Variants in PAK1 observed in about 807,000 individuals in gnomAD.
PAK1 encodes serine/threonine-protein kinase PAK 1.
PAK1 carries 29 observed loss-of-function variants against 67.4 expected under a neutral mutation model. The observed-to-expected ratio is 0.43, with a 90% CI of 0.32 to 0.59. The LOEUF is 0.59. Among genes scored for constraint, PAK1 ranks in the 20% least tolerant of loss-of-function variants. The pLI, the probability that PAK1 is intolerant of heterozygous loss-of-function variation, is 0.07. For missense variants in PAK1, 337 were observed against 670.7 expected, an observed-to-expected ratio of 0.50 and a Z score of 5.50; for synonymous variants, 223 against 237.4, an observed-to-expected ratio of 0.94 and a Z score of 0.56.
At chr11:77,508,356 C>T in the PAK1 span, among the ~76,000 whole-genome samples, 1 of 152,132 alleles carries the variant, frequency 6.6e-6, no homozygotes, top group African/African-American at 2.4e-5. Context: ...GAGTCATTAT[C>T]CCCATTTTTA....
rs771149828 is a variant in PAK1 at position 77,430,143 on chromosome 11, G to GA, written c.-21-37603_-21-37602insT. Among the ~76,000 whole-genome samples, 8 of 151,984 alleles carry GA rather than the reference G, an allele frequency of 5.3e-5. No individual in the cohort carries two copies. The East Asian group carries it at 1.5e-3, about 29-fold the overall frequency. On this transcript the variant is annotated intron_variant, in intron 1 of 14. Transcript: ENST00000356341. ...CTTCCTGCTATATAGGGCTTGTGTG[G>GA]TGCCAAAGAAAATACTCTTCTAAGA...
chr11:77,509,691 G>A, the PAK1 span, among the ~76,000 whole-genome samples: 3 of 152,132 alleles, frequency 2.0e-5, no homozygotes, highest in East Asian at 1.9e-4. Context: ...CTTTGTGATC[G>A]TGAATGAGTT....
chr11:77,432,877 G>T (rs2138341176), intron 1 of PAK1, among the ~76,000 whole-genome samples: 1 of 148,290 alleles, frequency 6.7e-6, no homozygotes, highest in African/African-American at 2.5e-5. Context: ...AAAAACAGAA[G>T]TGTAAAACTT....
the PAK1 span, among the ~76,000 whole-genome samples, chr11:77,479,954 A>G: frequency 6.6e-6 from 1 of 152,160 alleles, no homozygotes; most frequent in Non-Finnish European, 1.5e-5. Context: ...CATCAACCTA[A>G]TGCCAGGAAC....
intron 9 of PAK1, among the ~76,000 whole-genome samples, chr11:77,345,588 A>G (rs942960087): frequency 6.6e-6 from 1 of 152,144 alleles, no homozygotes; most frequent in Non-Finnish European, 1.5e-5. Flanking sequence ...TCTTGCAGAG[A>G]CCAGGTTAAT....
At chr11:77,493,269 T>TTTG in the PAK1 span, among the ~76,000 whole-genome samples, 21 of 108,220 alleles carry the variant, frequency 1.9e-4, no homozygotes, top group Admixed American at 6.1e-4. Flanking sequence ...CAGTCATTTT[T>TTTG]TTGTTGTTTT....
chr11:77,502,389 G>C, the PAK1 span, among the ~76,000 whole-genome samples: 101,359 of 151,976 alleles, frequency 0.67, 33,937 homozygotes, highest in South Asian at 0.78. Context: ...AAAACTAAAC[G>C]TTTATTGTTA....
At chr11:77,362,119 T>C (rs540854516) in intron 5 of PAK1, among the ~76,000 whole-genome samples, 1 of 152,344 alleles carries the variant, frequency 6.6e-6, no homozygotes, top group African/African-American at 2.4e-5. Context: ...ATCCACCGGT[T>C]TGGGTTTTCT....
intron 14 of PAK1, among the ~76,000 whole-genome samples, chr11:77,326,632 G>A (rs928279179): frequency 3.3e-5 from 5 of 152,148 alleles, no homozygotes; most frequent in African/African-American, 1.2e-4. Context: ...GCTACAGTGA[G>A]CCATGATTGC....
intron 1 of PAK1, among the ~76,000 whole-genome samples, chr11:77,446,530 A>AAAAAG (rs1956616200): frequency 6.6e-6 from 1 of 151,388 alleles, no homozygotes; most frequent in African/African-American, 2.4e-5. Context: ...AAAAAAAAAA[A>AAAAAG]AAAAGAAAGT....
intron 14 of PAK1, among the ~76,000 whole-genome samples, chr11:77,330,760 G>T (rs902375149): frequency 6.6e-6 from 1 of 152,082 alleles, no homozygotes; most frequent in African/African-American, 2.4e-5. Flanking sequence ...AAAAGCAATG[G>T]CAACAAAAGC....
At chr11:77,435,797 T>C (rs1345537298) in intron 1 of PAK1, among the ~76,000 whole-genome samples, 1 of 151,644 alleles carries the variant, frequency 6.6e-6, no homozygotes, top group Non-Finnish European at 1.5e-5. Context: ...CGTAAGCCAC[T>C]GCGCCCGGCC....
intron 1 of PAK1, among the ~76,000 whole-genome samples, chr11:77,449,241 A>G (rs1334357037): frequency 6.6e-6 from 1 of 152,224 alleles, no homozygotes; most frequent in Non-Finnish European, 1.5e-5. Context: ...ATTCAATTCA[A>G]CCTCAAAAGG....
the PAK1 span, among the ~76,000 whole-genome samples, chr11:77,517,898 A>G: frequency 6.6e-6 from 1 of 152,204 alleles, no homozygotes; most frequent in South Asian, 2.1e-4. Context: ...ACGCTCCTAA[A>G]AGAACCTAAT....
intron 4 of PAK1, among the ~76,000 whole-genome samples, chr11:77,376,905 C>G (rs1949164089): frequency 6.6e-6 from 1 of 152,108 alleles, no homozygotes; most frequent in Non-Finnish European, 1.5e-5. Context: ...CATTTAACTT[C>G]TCTGAGCCTA....
chr11:77,406,427 G>C (rs1458161199), intron 1 of PAK1, among the ~76,000 whole-genome samples: 1 of 152,200 alleles, frequency 6.6e-6, no homozygotes, highest in Non-Finnish European at 1.5e-5. Context: ...ATATGCTTTT[G>C]TAAGTCTGCT....
At chr11:77,506,991 T>C in the PAK1 span, among the ~76,000 whole-genome samples, 2 of 152,348 alleles carry the variant, frequency 1.3e-5, no homozygotes, top group East Asian at 3.9e-4. Context: ...TTCACTGGTC[T>C]GGCCCAGTGC....
chr11:77,527,850 T>A, the PAK1 span, among the ~76,000 whole-genome samples: 2 of 152,148 alleles, frequency 1.3e-5, no homozygotes, highest in South Asian at 4.1e-4. Context: ...ACAAATACTT[T>A]TTTTTTTCTT....
At chr11:77,489,650 T>A in the PAK1 span, among the ~76,000 whole-genome samples, 1 of 151,976 alleles carries the variant, frequency 6.6e-6, no homozygotes, top group Non-Finnish European at 1.5e-5. Context: ...GGGGTTTCAC[T>A]GTGTTGGCCG....
Sources: gnomAD v4.1 joint callset for allele counts (sites outside exome capture counted in the v4.1 genomes callset) on GRCh38, gnomAD v4.1.1 for gene constraint, MANE v1.5 for transcripts, NCBI Gene and HGNC (gene_info 2026-07-23, HGNC 2026-07-21) for gene names.